The following ZMYM4 variants were observed in gnomAD, a reference collection of about 807,000 sequenced individuals.
ZMYM4 encodes zinc finger MYM-type protein 4.
A neutral mutation model predicts 183.2 loss-of-function variants in ZMYM4; 31 were observed. The observed-to-expected ratio is 0.17, with a 90% CI of 0.13 to 0.23. ZMYM4 has a LOEUF of 0.23. Among genes scored for constraint, ZMYM4 ranks in the 10% least tolerant of loss-of-function variants. The probability of loss-of-function intolerance (pLI) is 1.00; values close to 1 mark genes in which losing one functional copy is unlikely to be tolerated. For missense variants in ZMYM4, 1,273 were observed against 1,840.3 expected, an observed-to-expected ratio of 0.69 and a Z score of 5.64; for synonymous variants, 592 against 631.2, an observed-to-expected ratio of 0.94 and a Z score of 0.93.
chr1:35,354,159 A>AAAGAAAAAAAAGAAATT (rs1643729728), intron 2 of ZMYM4, among the ~76,000 whole-genome samples: 1 of 152,068 alleles, frequency 6.6e-6, no homozygotes, highest in Non-Finnish European at 1.5e-5. Flanking sequence ...AAAAAGAAAG[A>AAAGAAAAAAAAGAAATT]AAGAAAAAAA....
intron 1 of ZMYM4, among the ~76,000 whole-genome samples, chr1:35,285,119 C>T (rs1640410773): frequency 6.6e-6 from 1 of 151,460 alleles, no homozygotes; most frequent in Non-Finnish European, 1.5e-5. Flanking sequence ...AGTAGGAGTC[C>T]TCAAGTTTTT....
At chr1:35,310,399 A>G in intron 1 of ZMYM4, 1 of 200,004 alleles carries the variant, frequency 5.0e-6, no homozygotes, top group South Asian at 8.6e-5. Context: ...CAGTGAGTGG[A>G]GTTTGATAGT....
chr1:35,296,953 G>A (rs776863724), intron 1 of ZMYM4, among the ~76,000 whole-genome samples: 3 of 146,690 alleles, frequency 2.0e-5, no homozygotes, highest in Non-Finnish European at 3.0e-5. Flanking sequence ...GGGTTTAGGC[G>A]ATTCTCCTGC....
chr1:35,325,312 A>G, intron 1 of ZMYM4, 48 bp from the exon 2 acceptor site: 1 of 1,551,598 alleles, frequency 6.4e-7, no homozygotes, highest in Non-Finnish European at 8.8e-7. Flanking sequence ...AGAATGTATG[A>G]TAGAAGATAT....
chr1:35,307,538 TA>T (rs1437354588), intron 1 of ZMYM4, among the ~76,000 whole-genome samples: 48 of 144,816 alleles, frequency 3.3e-4, no homozygotes, highest in African/African-American at 5.6e-4. Context: ...TTATTATTAT[TA>T]TTATTTTTTT....
intron 1 of ZMYM4, among the ~76,000 whole-genome samples, chr1:35,287,442 A>C (rs1277961829): frequency 6.6e-6 from 1 of 151,850 alleles, no homozygotes; most frequent in Non-Finnish European, 1.5e-5. Context: ...TTTGTCTTTA[A>C]AACTAAAAAT....
rs1290723458 is a variant in ZMYM4 at position 35,392,251 on chromosome 1, C to T, written c.2627C>T (p.Pro876Leu). The T allele has an allele frequency of 6.2e-7, 1 of 1,614,058 alleles. No individual in the cohort carries two copies. The highest frequency in any genetic ancestry group is 1.3e-5 in the African/African-American group (1 of 74,924). ...GTTCAAGCTGCTTCAGCAGGACCCC[C>T]ATCTCTGAGAAAAGATTCGACTCCA... is the stretch of plus-strand genomic sequence containing the variant. ...SMVQAASAGP[P>L]SLRKDSTPVI... The change falls in exon 16 of 30, where the codon CCA becomes CTA. Residue 876 changes from proline (P) to leucine (L), a missense_variant. This residue lies in a region of ZMYM4 where 290 missense variants were observed against 353.3 expected (regional missense o/e 0.82). Transcript: ENST00000314607.
chr1:35,283,071 A>T (rs7540584), intron 1 of ZMYM4, among the ~76,000 whole-genome samples: 34,509 of 128,326 alleles, frequency 0.27, 9,111 homozygotes, highest in East Asian at 0.79. Flanking sequence ...CCATCTCACC[A>T]CACTGTAACC....
At chr1:35,269,897 C>A (rs371689550) in intron 1 of ZMYM4, among the ~76,000 whole-genome samples, 1 of 152,138 alleles carries the variant, frequency 6.6e-6, no homozygotes, top group Non-Finnish European at 1.5e-5. Flanking sequence ...CCTCACTTTT[C>A]TTTTACTTCC....
chr1:35,414,712 T>A (rs1370832973), intron 27 of ZMYM4, among the ~76,000 whole-genome samples: 4 of 152,108 alleles, frequency 2.6e-5, no homozygotes, highest in East Asian at 3.8e-4. Flanking sequence ...GTTGGGGAAA[T>A]TTTTTTAAGA....
chr1:35,319,118 G>A (rs1274560983), intron 1 of ZMYM4, among the ~76,000 whole-genome samples: 1 of 152,112 alleles, frequency 6.6e-6, no homozygotes, highest in Non-Finnish European at 1.5e-5. Context: ...GACCTCAGGT[G>A]ATCAGCCCGC....
intron 1 of ZMYM4, among the ~76,000 whole-genome samples, chr1:35,303,500 G>C (rs1192645751): frequency 6.6e-6 from 1 of 151,728 alleles, no homozygotes; most frequent in African/African-American, 2.4e-5. Flanking sequence ...CCGCCGTCTG[G>C]GTTCAAGCGA....
intron 2 of ZMYM4, among the ~76,000 whole-genome samples, chr1:35,352,474 T>C (rs867060132): frequency 6.6e-6 from 1 of 152,156 alleles, no homozygotes; most frequent in Non-Finnish European, 1.5e-5. Flanking sequence ...TGAATAGTTA[T>C]CTCTGTTCCT....
intron 1 of ZMYM4, among the ~76,000 whole-genome samples, chr1:35,322,995 GTTTTGT>G (rs201020455): frequency 0.017 from 2,480 of 149,646 alleles, 63 homozygotes; most frequent in African/African-American, 0.057. Context: ...TGGCTTTTTT[GTTTTGT>G]TTTTGTTTTT....
chr1:35,304,553 G>C (rs1001993192), intron 1 of ZMYM4, among the ~76,000 whole-genome samples: 8 of 151,064 alleles, frequency 5.3e-5, no homozygotes, highest in African/African-American at 1.9e-4. Flanking sequence ...TGCCTCCTGG[G>C]CTCAAATCAT....
At chr1:35,305,062 T>C (rs1570306918) in intron 1 of ZMYM4, among the ~76,000 whole-genome samples, 1 of 152,192 alleles carries the variant, frequency 6.6e-6, no homozygotes, top group East Asian at 1.9e-4. Context: ...GCCAGGATGG[T>C]GTTGATTTCC....
At chr1:35,399,709 T>C in intron 23 of ZMYM4, 133 bp downstream of exon 23, 1 of 875,298 alleles carries the variant, frequency 1.1e-6, no homozygotes, top group East Asian at 2.7e-5. Context: ...ACTTTTGTTT[T>C]TTGAATTCAA....
intron 9 of ZMYM4, among the ~76,000 whole-genome samples, chr1:35,383,594 T>C (rs1644511673): frequency 6.6e-6 from 1 of 152,304 alleles, no homozygotes; most frequent in African/African-American, 2.4e-5. Context: ...TTTGTCATTT[T>C]CCAAAAGACT....
chr1:35,389,904 C>G lies in ZMYM4; in HGVS notation c.2437-44C>G. The G allele has an allele frequency of 6.4e-7, 1 of 1,571,762 alleles. No homozygotes were observed. The highest frequency in any genetic ancestry group is 1.2e-5 in the South Asian group (1 of 86,090). Reference sequence around the variant, plus strand: ...GTCTTATTTTTATTTTGTCAGACCACAGATAATTTGTTTCTTACTCCTTGA... The same window carrying G: ...GTCTTATTTTTATTTTGTCAGACCAGAGATAATTTGTTTCTTACTCCTTGA... On this transcript the variant is annotated intron_variant, in intron 14 of 29. Coordinates refer to ENST00000314607, the MANE Select transcript of ZMYM4 (RefSeq NM_005095.3). The surrounding 1 kb of genome is among the most constrained non-coding windows in gnomAD (Gnocchi z 4.0).
Sources: allele counts gnomAD v4.1 joint callset (sites outside exome capture counted in the v4.1 genomes callset), GRCh38; gene constraint gnomAD v4.1.1; regional missense constraint gnomAD v4.1.1; non-coding constraint Gnocchi (gnomAD v3.1); transcripts MANE v1.5; gene names NCBI Gene and HGNC (gene_info 2026-07-23, HGNC 2026-07-21).